The following BRINP3 variants were observed in gnomAD, a reference collection of about 807,000 sequenced individuals.
BRINP3 encodes the protein BMP/retinoic acid-inducible neural-specific protein 3.
BRINP3 carries 19 observed loss-of-function variants against 71.0 expected under a neutral mutation model. The observed-to-expected ratio is 0.27, with a 90% CI of 0.19 to 0.39. The LOEUF is 0.39. Among genes scored for constraint, BRINP3 ranks in the 10% least tolerant of loss-of-function variants. The probability of loss-of-function intolerance (pLI) is 1.00; values close to 1 mark genes in which losing one functional copy is unlikely to be tolerated. For synonymous variants in BRINP3, 380 were observed against 337.7 expected (o/e 1.13, Z -1.37); for missense variants, 959 against 940.8 (o/e 1.02, Z -0.25).
chr1:190,195,874 C>A (rs187527766), intron 6 of BRINP3, among the ~76,000 whole-genome samples: 1 of 152,130 alleles, frequency 6.6e-6, no homozygotes, highest in African/African-American at 2.4e-5. Context: ...GTTATCTCCA[C>A]TTTCTTTCCA....
intron 2 of BRINP3, among the ~76,000 whole-genome samples, chr1:190,303,382 G>T (rs1664869160): frequency 6.6e-6 from 1 of 151,488 alleles, no homozygotes; most frequent in African/African-American, 2.4e-5. Context: ...TAAATATATT[G>T]TAATCAGAAG....
intron 6 of BRINP3, among the ~76,000 whole-genome samples, chr1:190,187,020 C>T (rs1653588841): frequency 1.3e-5 from 2 of 152,002 alleles, no homozygotes; most frequent in African/African-American, 4.8e-5. Context: ...AGTGAAAACG[C>T]AGAGTTTGTG....
At chr1:190,451,932 T>C (rs1675634303) in intron 2 of BRINP3, among the ~76,000 whole-genome samples, 1 of 152,198 alleles carries the variant, frequency 6.6e-6, no homozygotes, top group African/African-American at 2.4e-5. Flanking sequence ...AGGTTTGATA[T>C]GTTTTACATT....
At chr1:190,139,358 G>A (rs1349434521) in intron 7 of BRINP3, among the ~76,000 whole-genome samples, 3 of 150,456 alleles carry the variant, frequency 2.0e-5, no homozygotes, top group South Asian at 2.1e-4. Context: ...AGGCTTAAGC[G>A]GGAGAATCAC....
At chr1:190,439,534 T>A (rs1226403135) in intron 2 of BRINP3, among the ~76,000 whole-genome samples, 1 of 151,500 alleles carries the variant, frequency 6.6e-6, no homozygotes, top group African/African-American at 2.4e-5. Flanking sequence ...TAAGAGTACG[T>A]GTGTGTGTGT....
chr1:190,264,822 C>A (rs774058278), intron 4 of BRINP3, 43 bp downstream of exon 4: 54 of 1,559,084 alleles, frequency 3.5e-5, no homozygotes, highest in Non-Finnish European at 4.5e-5. Context: ...ATAGAGGAAA[C>A]AAACAATGGA....
chr1:190,200,559 C>A (rs1252741561), intron 6 of BRINP3, among the ~76,000 whole-genome samples: 1 of 152,026 alleles, frequency 6.6e-6, no homozygotes, highest in African/African-American at 2.4e-5. Context: ...ACAGATATAA[C>A]TCCCAAATCC....
chr1:190,459,270 C>T (rs1175588442), intron 1 of BRINP3, among the ~76,000 whole-genome samples: 1 of 151,370 alleles, frequency 6.6e-6, no homozygotes, highest in Non-Finnish European at 1.5e-5. Flanking sequence ...TATACTAATG[C>T]ATATAATACA....
At chr1:190,447,623 T>C (rs1436616098) in intron 2 of BRINP3, among the ~76,000 whole-genome samples, 1 of 129,494 alleles carries the variant, frequency 7.7e-6, no homozygotes, top group Non-Finnish European at 1.7e-5. Context: ...TCTCTCTCTC[T>C]ATATATATAT....
intron 6 of BRINP3, among the ~76,000 whole-genome samples, chr1:190,220,921 C>T (rs1015790047): frequency 6.6e-6 from 1 of 152,102 alleles, no homozygotes; most frequent in Non-Finnish European, 1.5e-5. Flanking sequence ...CTCTTGTAAC[C>T]TCATATGAAG....
intron 2 of BRINP3, among the ~76,000 whole-genome samples, chr1:190,444,627 C>T (rs1392580189): frequency 6.6e-6 from 1 of 151,928 alleles, no homozygotes; most frequent in Non-Finnish European, 1.5e-5. Context: ...CTCTGTCTCC[C>T]AGGTTCAAGC....
At chr1:190,307,566 T>C (rs1314213614) in intron 2 of BRINP3, among the ~76,000 whole-genome samples, 1 of 151,998 alleles carries the variant, frequency 6.6e-6, no homozygotes, top group East Asian at 1.9e-4. Context: ...TTAATATATG[T>C]TAATAGAAAG....
intron 4 of BRINP3, among the ~76,000 whole-genome samples, chr1:190,237,437 A>G (rs1336991235): frequency 1.3e-5 from 2 of 151,874 alleles, no homozygotes. Context: ...TAAATTTACT[A>G]CAGAGATGCT....
At chr1:190,320,345 A>C (rs1171594671) in intron 2 of BRINP3, among the ~76,000 whole-genome samples, 1 of 152,060 alleles carries the variant, frequency 6.6e-6, no homozygotes, top group African/African-American at 2.4e-5. Context: ...TGGTGAGTTA[A>C]ATCAAGTGAA....
intron 7 of BRINP3, among the ~76,000 whole-genome samples, chr1:190,126,237 C>G (rs1032245387): frequency 2.6e-5 from 4 of 151,916 alleles, no homozygotes; most frequent in African/African-American, 9.7e-5. Context: ...AAAAATAAAT[C>G]ATTAAAAGTA....
intron 2 of BRINP3, among the ~76,000 whole-genome samples, chr1:190,358,435 C>A (rs566044702): frequency 3.9e-5 from 6 of 152,188 alleles, no homozygotes; most frequent in East Asian, 1.9e-4. Context: ...TGGCCATCAG[C>A]AAAATGCAAA....
intron 2 of BRINP3, among the ~76,000 whole-genome samples, chr1:190,310,017 T>C (rs114315603): frequency 0.014 from 2,146 of 151,696 alleles, 43 homozygotes; most frequent in African/African-American, 0.049. Flanking sequence ...TAGGCTACAA[T>C]GGCCAATCTC....
intron 2 of BRINP3, among the ~76,000 whole-genome samples, chr1:190,327,542 T>A (rs558862563): frequency 1.5e-4 from 22 of 148,158 alleles, no homozygotes; most frequent in Admixed American, 1.5e-3. Context: ...TAAAACAGGC[T>A]GTAAACCAAC....
At chr1:190,398,386 G>A (rs1317630696) in intron 2 of BRINP3, among the ~76,000 whole-genome samples, 3 of 151,864 alleles carry the variant, frequency 2.0e-5, no homozygotes, top group African/African-American at 7.2e-5. Context: ...ATTCATAGGA[G>A]GGATGATGTA....
Sources: allele counts gnomAD v4.1 joint callset (sites outside exome capture counted in the v4.1 genomes callset), GRCh38; gene constraint gnomAD v4.1.1; transcripts MANE v1.5; gene names NCBI Gene and HGNC (gene_info 2026-07-23, HGNC 2026-07-21).